Variants in AHNAK observed in about 807,000 individuals in gnomAD.
The protein encoded by AHNAK is neuroblast differentiation-associated protein AHNAK.
A neutral mutation model predicts 37.8 loss-of-function variants in AHNAK; 23 were observed. The observed-to-expected ratio is 0.61, with a 90% CI of 0.44 to 0.86. The LOEUF (loss-of-function observed/expected upper bound fraction) is 0.86, where lower values mean the gene tolerates loss of function less well. Among genes scored for constraint, AHNAK ranks in the 40% least tolerant of loss-of-function variants. The probability of loss-of-function intolerance (pLI) is 0.00; values close to 1 mark genes in which losing one functional copy is unlikely to be tolerated. For synonymous variants in AHNAK, 2,481 were observed against 2,636.3 expected (o/e 0.94, Z 1.80); for missense variants, 7,411 against 7,319.4 (o/e 1.01, Z -0.46).
intron 5 of AHNAK, among the ~76,000 whole-genome samples, chr11:62,436,980 A>C (rs562603490): frequency 2.4e-4 from 37 of 152,126 alleles, no homozygotes; most frequent in Non-Finnish European, 4.7e-4. Flanking sequence ...ATCAGAGTAC[A>C]TAAAGCACAC....
intron 5 of AHNAK, among the ~76,000 whole-genome samples, chr11:62,487,251 C>T (rs763253052): frequency 7.2e-5 from 11 of 152,208 alleles, no homozygotes; most frequent in Non-Finnish European, 1.3e-4. Context: ...TTTATCTTCA[C>T]AACCACCATC....
intron 4 of AHNAK, among the ~76,000 whole-genome samples, chr11:62,507,995 G>T (rs1405852575): frequency 6.6e-6 from 1 of 152,196 alleles, no homozygotes; most frequent in South Asian, 2.1e-4. Flanking sequence ...TCTGACTGGA[G>T]TGCAATGGCA....
chr11:62,437,308 A>G (rs1011319550), intron 5 of AHNAK, among the ~76,000 whole-genome samples: 5 of 152,164 alleles, frequency 3.3e-5, no homozygotes, highest in Non-Finnish European at 7.4e-5. Flanking sequence ...TTCTTTGAAC[A>G]TTTTTGTACA....
Position 62,483,414 on chromosome 11 carries a change from C to T in AHNAK, c.442+8318G>A, listed in dbSNP as rs182898548. Among the ~76,000 whole-genome samples, 54 of 152,356 alleles carry T rather than the reference C, an allele frequency of 3.5e-4. No individual in the cohort carries two copies. In the East Asian group the frequency reaches 8.7e-3, roughly 25 times the overall value. ...CTGTCCTGTGCCAAAATGATCTACA[C>T]AACACTCTCTACATAGATCAAGAAA... On this transcript the variant is annotated intron_variant, in intron 5 of 5. Coordinates refer to the AHNAK transcript ENST00000257247.
intron 1 of AHNAK, among the ~76,000 whole-genome samples, chr11:62,539,943 T>C (rs1253516512): frequency 6.6e-6 from 1 of 152,242 alleles, no homozygotes; most frequent in Admixed American, 6.5e-5. Context: ...CGTGGGATAC[T>C]GTGTAGCCAG....
Position 62,519,799 on chromosome 11 carries a change from T to A in AHNAK, c.14618A>T (p.Lys4873Met). ...TGGGCCTTTCAAAGTCCCTTCAACCTTAGGGACAGACACATCAAAATCTCC... is the reference window on the plus strand; with the variant it reads ...TGGGCCTTTCAAAGTCCCTTCAACCATAGGGACAGACACATCAAAATCTCC... ...VKGDFDVSVP[K>M]VEGTLKGPEV... is the part of the protein sequence containing the mutation. Residue 4873 changes from lysine (K) to methionine (M), a missense_variant, in exon 5 of 5, where the codon AAG (lysine) becomes ATG (methionine). Transcript: ENST00000378024. The A allele has an allele frequency of 2.5e-6, 4 of 1,613,988 alleles. No individual in the cohort carries two copies. The highest frequency in any genetic ancestry group is 3.4e-6 in the Non-Finnish European group (4 of 1,179,916).
intron 5 of AHNAK, among the ~76,000 whole-genome samples, chr11:62,472,775 T>C (rs950844290): frequency 2.3e-4 from 35 of 152,186 alleles, no homozygotes; most frequent in African/African-American, 8.4e-4. Context: ...CTGAGGTACC[T>C]GCAGTAGTAA....
At chr11:62,498,539 G>A (rs929252224) in intron 4 of AHNAK, among the ~76,000 whole-genome samples, 2 of 150,304 alleles carry the variant, frequency 1.3e-5, no homozygotes, top group African/African-American at 2.5e-5. Context: ...TGGGAGGATC[G>A]CTTGAGGCCA....
chr11:62,466,707 A>C (rs1938919640), intron 5 of AHNAK, among the ~76,000 whole-genome samples: 1 of 152,190 alleles, frequency 6.6e-6, no homozygotes, highest in Non-Finnish European at 1.5e-5. Context: ...CAGGAAGACA[A>C]GAACTTACTT....
intron 5 of AHNAK, among the ~76,000 whole-genome samples, chr11:62,475,931 G>A (rs1053552827): frequency 1.3e-5 from 2 of 152,038 alleles, no homozygotes; most frequent in Admixed American, 6.5e-5. Flanking sequence ...CGCATTTCTC[G>A]CCTTAAGTTT....
intron 4 of AHNAK, among the ~76,000 whole-genome samples, chr11:62,496,524 C>T (rs971363847): frequency 3.3e-5 from 5 of 152,088 alleles, no homozygotes; most frequent in South Asian, 2.1e-4. Context: ...TGGCCGGGAG[C>T]GGTGGCTCAC....
intron 5 of AHNAK, among the ~76,000 whole-genome samples, chr11:62,473,842 T>C (rs1565206202): frequency 6.6e-6 from 1 of 151,362 alleles, no homozygotes; most frequent in Non-Finnish European, 1.5e-5. Context: ...ACAAAAAAAA[T>C]AAACAAAATT....
At chr11:62,478,907 G>T (rs1446048733) in intron 5 of AHNAK, among the ~76,000 whole-genome samples, 1 of 151,676 alleles carries the variant, frequency 6.6e-6, no homozygotes, top group African/African-American at 2.4e-5. Flanking sequence ...ACAGAGTCTT[G>T]CTCTGTCTCC....
In AHNAK at chr11:62,530,549, C is replaced by A; in HGVS notation, c.3868G>T (p.Val1290Leu). 6.2e-7 allele frequency: 1 copy of A among 1,607,730 alleles called. No homozygotes were observed. Among genetic ancestry groups the A allele is most frequent in the Non-Finnish European group, 8.5e-7 (1 of 1,178,102 alleles). Residue 1290 changes from valine (V) to leucine (L), a missense_variant, in exon 5 of 5, where the codon GTG becomes TTG. Physicochemically the swap from Val to Leu is conservative, Grantham distance 32 (BLOSUM62 1). Coordinates refer to ENST00000378024, the MANE Select transcript of AHNAK (RefSeq NM_001620.3). ...KADIDVSGPKVDVEVPDVSLE... is the reference protein window; with the variant it reads ...KADIDVSGPKLDVEVPDVSLE... The stretch of plus-strand genomic sequence containing the variant: ...CTCACATCTGGGACTTCAACATCCA[C>A]CTTGGGTCCTGAGACATCAATGTCA...
In AHNAK at chr11:62,508,281, T is replaced by A. The variant is rs140090535; in HGVS notation, c.343-16450A>T. On this transcript the variant is annotated intron_variant, in intron 4 of 5. Transcript: ENST00000257247. The stretch of plus-strand genomic sequence containing the variant: ...AAGAAAAAAAAAATTCTTTTTTTAA[T>A]CAGAAAGCTTGGATCGATTTTGGCC... Among the ~76,000 whole-genome samples, 214 of 152,278 alleles carry A rather than the reference T, an allele frequency of 1.4e-3. 1 individual carries two copies. Among genetic ancestry groups the A allele is most frequent in the Admixed American group, 6.7e-3 (103 of 15,282 alleles).
At chr11:62,469,025 C>T (rs1938975600) in intron 5 of AHNAK, among the ~76,000 whole-genome samples, 1 of 152,212 alleles carries the variant, frequency 6.6e-6, no homozygotes, top group Admixed American at 6.5e-5. Flanking sequence ...AGAACGAGGT[C>T]TCACTATTTT....
chr11:62,519,772 T>A lies in AHNAK; in HGVS notation c.14645A>T (p.Glu4882Val). The A allele has an allele frequency of 1.2e-6, 2 of 1,613,382 alleles. No individual in the cohort carries two copies. Among genetic ancestry groups the A allele is most frequent in the Non-Finnish European group, 1.7e-6 (2 of 1,179,666 alleles). Residue 4882 changes from glutamate to valine, a missense_variant, in exon 5 of 5, where the codon GAA becomes GTA. Glu to Val is a moderately radical substitution (Grantham distance 121). Transcript: ENST00000378024. ...CAGACGTGGACCTTTAAGATCTACT[T>A]CTGGGCCTTTCAAAGTCCCTTCAAC... ...PKVEGTLKGP[E>V]VDLKGPRLDF...
chr11:62,450,287 A>G (rs904195246), intron 5 of AHNAK, among the ~76,000 whole-genome samples: 3 of 151,914 alleles, frequency 2.0e-5, no homozygotes, highest in African/African-American at 7.2e-5. Flanking sequence ...CCTCCCAAGT[A>G]GCTGAGATTA....
Position 62,528,589 on chromosome 11 carries a change from G to C in AHNAK, c.5828C>G (p.Ser1943Trp). The C allele has an allele frequency of 6.2e-7, 1 of 1,609,594 alleles. No homozygotes were observed. The highest frequency in any genetic ancestry group is 8.5e-7 in the Non-Finnish European group (1 of 1,179,152). ...GPKVKGDVDV[S>W]VPKLEGDLTG... is the part of the protein sequence containing the mutation. ...TAAATCTCCCTCCAATTTTGGCACC[G>C]ACACATCCACATCCCCTTTGACTTT... is the stretch of plus-strand genomic sequence containing the variant. The change falls in exon 5 of 5, where the codon TCG (serine) becomes TGG (tryptophan). Residue 1943 changes from serine (S) to tryptophan (W), a missense_variant. By Grantham distance (177) the Ser-to-Trp change is radical. Transcript: ENST00000378024.
Sources: allele counts gnomAD v4.1 joint callset (sites outside exome capture counted in the v4.1 genomes callset), GRCh38; gene constraint gnomAD v4.1.1; transcripts MANE v1.5; gene names NCBI Gene and HGNC (gene_info 2026-07-23, HGNC 2026-07-21).